The following RNF180 variants were observed in gnomAD, a reference collection of about 807,000 sequenced individuals.
The protein encoded by RNF180 is ring finger protein 180.
A neutral mutation model predicts 59.2 loss-of-function variants in RNF180; 38 were observed. That is an observed-to-expected ratio of 0.64 (90% CI 0.50 to 0.84). RNF180 has a LOEUF of 0.84. Among genes scored for constraint, RNF180 ranks in the 40% least tolerant of loss-of-function variants. The pLI is 0.00. For missense variants in RNF180, 705 were observed against 700.9 expected (o/e 1.01, Z -0.07); for synonymous variants, 262 against 240.3 (o/e 1.09, Z -0.84).
intron 5 of RNF180, among the ~76,000 whole-genome samples, chr5:64,242,603 A>G (rs541769789): frequency 2.6e-5 from 4 of 152,198 alleles, no homozygotes; most frequent in African/African-American, 9.6e-5. Flanking sequence ...CAAAAGAACA[A>G]ATCTTCAAGT....
chr5:64,240,272 G>T (rs1041557646), intron 5 of RNF180, among the ~76,000 whole-genome samples: 2 of 152,110 alleles, frequency 1.3e-5, no homozygotes, highest in African/African-American at 4.8e-5. Context: ...GACTCAAAAT[G>T]CAGATCAGTA....
At chr5:64,342,186 T>G (rs536128926) in intron 7 of RNF180, among the ~76,000 whole-genome samples, 17 of 152,034 alleles carry the variant, frequency 1.1e-4, no homozygotes, top group African/African-American at 3.9e-4. Flanking sequence ...TGGCAATAAC[T>G]GGGGGGAAAT....
chr5:64,304,716 A>C (rs1374501497), intron 5 of RNF180, among the ~76,000 whole-genome samples: 1 of 151,704 alleles, frequency 6.6e-6, no homozygotes, highest in Non-Finnish European at 1.5e-5. Context: ...TGCTGTGAAC[A>C]TGGTTGAAAT....
intron 1 of RNF180, among the ~76,000 whole-genome samples, chr5:64,167,319 G>C (rs1749697806): frequency 6.6e-6 from 1 of 152,040 alleles, no homozygotes; most frequent in South Asian, 2.1e-4. Context: ...GTGTTATGTT[G>C]TACTTTATCT....
chr5:64,255,881 T>C (rs1743915372), intron 5 of RNF180, among the ~76,000 whole-genome samples: 1 of 152,364 alleles, frequency 6.6e-6, no homozygotes, highest in African/African-American at 2.4e-5. Context: ...GACTTTTTAA[T>C]GATTGCCATT....
At chr5:64,170,674 G>A (rs1032471530) in intron 1 of RNF180, among the ~76,000 whole-genome samples, 5 of 152,208 alleles carry the variant, frequency 3.3e-5, no homozygotes, top group Admixed American at 1.3e-4. Context: ...ACAGTGTGAA[G>A]TCATCAGCTT....
At chr5:64,243,811 A>G (rs553601929) in intron 5 of RNF180, among the ~76,000 whole-genome samples, 1 of 152,270 alleles carries the variant, frequency 6.6e-6, no homozygotes, top group African/African-American at 2.4e-5. Flanking sequence ...ACCTCCCAGC[A>G]GGGTGGACAG....
intron 7 of RNF180, among the ~76,000 whole-genome samples, chr5:64,363,022 T>C (rs1330732792): frequency 2.6e-5 from 4 of 151,736 alleles, no homozygotes; most frequent in African/African-American, 9.7e-5. Context: ...TCTCATTCTG[T>C]AGGTTGTCAT....
chr5:64,367,017 A>G (rs189238937), intron 7 of RNF180, among the ~76,000 whole-genome samples: 115 of 151,706 alleles, frequency 7.6e-4, no homozygotes, highest in African/African-American at 2.6e-3. Flanking sequence ...ATCAGAAAAC[A>G]TTGGATTTCT....
intron 5 of RNF180, among the ~76,000 whole-genome samples, chr5:64,314,521 T>C (rs981290901): frequency 6.6e-6 from 1 of 152,148 alleles, no homozygotes; most frequent in Non-Finnish European, 1.5e-5. Flanking sequence ...TCAGTTCTTA[T>C]TACACCTTTT....
Position 64,209,772 on chromosome 5 carries a change from T to G in RNF180, c.136-2293T>G, listed in dbSNP as rs147290943. Among the ~76,000 whole-genome samples the G allele has an allele frequency of 3.6e-3, 546 of 152,230 alleles. 5 individuals are homozygous for G. The highest frequency in any genetic ancestry group is 7.2e-3 in the South Asian group (35 of 4,828). ...GTTTGTATTCTCTGTAAGATTGTTT[T>G]AAAGAATTCATTAGAGTTATGCTAA... On this transcript the variant is annotated intron_variant, in intron 2 of 7. Coordinates refer to ENST00000389100, the MANE Select transcript of RNF180 (RefSeq NM_001113561.2).
intron 5 of RNF180, among the ~76,000 whole-genome samples, chr5:64,228,048 C>G (rs1427955391): frequency 6.6e-6 from 1 of 152,128 alleles, no homozygotes; most frequent in East Asian, 1.9e-4. Context: ...CCATGTGCCC[C>G]CAAACTTGGG....
At chr5:64,295,845 C>G (rs1455794934) in intron 5 of RNF180, among the ~76,000 whole-genome samples, 2 of 152,130 alleles carry the variant, frequency 1.3e-5, no homozygotes, top group Non-Finnish European at 2.9e-5. Flanking sequence ...TGAGCATCTT[C>G]TATGTGTCAG....
chr5:64,234,890 C>T (rs995124530), intron 5 of RNF180, among the ~76,000 whole-genome samples: 11 of 151,984 alleles, frequency 7.2e-5, no homozygotes, highest in Admixed American at 1.3e-4. Context: ...TGAGCCACTG[C>T]GCCCAGCTAC....
Position 64,213,782 on chromosome 5 carries a change from G to A in RNF180, c.456G>A (p.Leu152=), listed in dbSNP as rs374967628. 41 of 1,614,058 alleles carry A rather than the reference G, an allele frequency of 2.5e-5. No homozygotes were observed. The highest frequency in any genetic ancestry group is 3.2e-5 in the Non-Finnish European group (38 of 1,180,020). ...RVQSGCDKEA[L]LTGGGSENRN... ...AGTCAGGTTGTGACAAGGAAGCTCT[G>A]CTGACAGGTGGTGGCTCTGAAAACA... The change falls in exon 4 of 8, where the codon CTG becomes CTA. Residue 152 remains leucine, a synonymous_variant. Coordinates refer to ENST00000389100, the MANE Select transcript of RNF180 (RefSeq NM_001113561.2).
chr5:64,242,720 A>G (rs956332040), intron 5 of RNF180, among the ~76,000 whole-genome samples: 2 of 152,236 alleles, frequency 1.3e-5, no homozygotes, highest in Non-Finnish European at 2.9e-5. Context: ...AAGGAAAGAC[A>G]AAGATCTCGA....
chr5:64,245,174 G>A (rs183613469), intron 5 of RNF180, among the ~76,000 whole-genome samples: 1 of 152,232 alleles, frequency 6.6e-6, no homozygotes, highest in African/African-American at 2.4e-5. Flanking sequence ...TGAAGAAACT[G>A]CAACAACTAA....
intron 7 of RNF180, among the ~76,000 whole-genome samples, chr5:64,348,960 C>A (rs777162641): frequency 2.6e-5 from 4 of 151,998 alleles, no homozygotes; most frequent in Non-Finnish European, 5.9e-5. Flanking sequence ...GAGGTTCATC[C>A]AATAAGCTTA....
At chr5:64,241,145 A>G (rs1226742837) in intron 5 of RNF180, among the ~76,000 whole-genome samples, 1 of 152,356 alleles carries the variant, frequency 6.6e-6, no homozygotes, top group African/African-American at 2.4e-5. Context: ...TACAAATACA[A>G]TAGTGGAAGA....
Sources: gnomAD v4.1 joint callset for allele counts (sites outside exome capture counted in the v4.1 genomes callset) on GRCh38, gnomAD v4.1.1 for gene constraint, MANE v1.5 for transcripts, NCBI Gene and HGNC (gene_info 2026-07-23, HGNC 2026-07-21) for gene names.